Variants in SEMA6D observed in about 807,000 individuals in gnomAD.
SEMA6D encodes semaphorin 6D.
Under a neutral mutation model 106.6 loss-of-function variants are expected in SEMA6D, and 35 were observed. That is an observed-to-expected ratio of 0.33 (90% CI 0.25 to 0.44). The LOEUF (loss-of-function observed/expected upper bound fraction) is 0.44. Ranked by LOEUF, SEMA6D falls within the 20% of genes least tolerant of loss-of-function variation. The probability of loss-of-function intolerance (pLI) is 1.00; values close to 1 mark genes in which losing one functional copy is unlikely to be tolerated. For synonymous variants in SEMA6D, 499 were observed against 487.7 expected (o/e 1.02, Z -0.31); for missense variants, 1,185 against 1,345.9 (o/e 0.88, Z 1.87).
chr15:47,241,185 A>C (rs1050891755), intron 1 of SEMA6D: 14 of 152,198 alleles, frequency 9.2e-5, no homozygotes, highest in Non-Finnish European at 1.5e-5. Context: ...AAATGACTCT[A>C]TTGGAGTGTA....
intron 1 of SEMA6D, among the ~76,000 whole-genome samples, chr15:47,356,698 A>C (rs1266582728): frequency 6.6e-6 from 1 of 152,210 alleles, no homozygotes; most frequent in Non-Finnish European, 1.5e-5. Context: ...ATTCAAATGC[A>C]GCTGTATAAG....
intron 2 of SEMA6D, among the ~76,000 whole-genome samples, chr15:47,465,029 G>A (rs1033283179): frequency 2.2e-4 from 34 of 152,260 alleles, no homozygotes; most frequent in African/African-American, 7.2e-4. Flanking sequence ...TTTCTCTCCT[G>A]TTACACCTCC....
chr15:47,356,459 G>T (rs1299572175), intron 1 of SEMA6D, among the ~76,000 whole-genome samples: 2 of 152,126 alleles, frequency 1.3e-5, no homozygotes, highest in Non-Finnish European at 2.9e-5. Flanking sequence ...AGAAGATTTT[G>T]AGTCTAGTGT....
chr15:47,519,773 A>G (rs1267271958), intron 3 of SEMA6D, among the ~76,000 whole-genome samples: 1 of 152,192 alleles, frequency 6.6e-6, no homozygotes, highest in Non-Finnish European at 1.5e-5. Flanking sequence ...GCTGACATTT[A>G]TATCATATTA....
At chr15:47,466,184 C>T (rs1567099335) in intron 2 of SEMA6D, among the ~76,000 whole-genome samples, 1 of 152,110 alleles carries the variant, frequency 6.6e-6, no homozygotes, top group Non-Finnish European at 1.5e-5. Flanking sequence ...TTCAGATGTA[C>T]TGTATATGCA....
intron 11 of SEMA6D, 41 bp downstream of exon 11, chr15:47,764,346 C>A (rs2082221422): frequency 6.3e-7 from 1 of 1,587,842 alleles, no homozygotes; most frequent in African/African-American, 1.4e-5. Context: ...TTGAACAAAA[C>A]CTTCCGGTCA....
At chr15:47,549,601 G>A (rs1046186004) in intron 3 of SEMA6D, among the ~76,000 whole-genome samples, 5 of 151,986 alleles carry the variant, frequency 3.3e-5, no homozygotes, top group Admixed American at 2.6e-4. Flanking sequence ...CAAAGATCTA[G>A]AATACAAACA....
At chr15:47,389,217 T>G (rs1389929974) in intron 1 of SEMA6D, among the ~76,000 whole-genome samples, 4 of 152,224 alleles carry the variant, frequency 2.6e-5, no homozygotes, top group African/African-American at 4.8e-5. Context: ...AGAACTGTTG[T>G]GAGACTACAT....
chr15:47,623,677 A>T (rs2077150304), intron 4 of SEMA6D, among the ~76,000 whole-genome samples: 1 of 152,136 alleles, frequency 6.6e-6, no homozygotes, highest in African/African-American at 2.4e-5. Flanking sequence ...AAAGGTACGG[A>T]TGTTATGTAT....
chr15:47,709,880 C>CAAA (rs199899821), intron 4 of SEMA6D, among the ~76,000 whole-genome samples: 79 of 127,040 alleles, frequency 6.2e-4, no homozygotes, highest in African/African-American at 2.1e-3. Flanking sequence ...TAAAAACTGG[C>CAAA]AAAAAAAAAA....
chr15:47,686,977 G>C lies in SEMA6D; in HGVS notation c.-54-72768G>C, dbSNP rs1212166541. On this transcript the variant is annotated intron_variant, in intron 4 of 19. Transcript: ENST00000558014. ...GCTACTCAGGAGGCTGAGGCAGGAA[G>C]ATCGCTTGAGCCCAGGATTTTGAGG... is the stretch of plus-strand genomic sequence containing the variant. Among the ~76,000 whole-genome samples the C allele has an allele frequency of 2.7e-5, 4 of 150,186 alleles. No homozygotes were observed. In the East Asian group the frequency reaches 7.9e-4, roughly 30 times the overall value.
chr15:47,280,170 G>A (rs938440142), intron 1 of SEMA6D, among the ~76,000 whole-genome samples: 56 of 152,228 alleles, frequency 3.7e-4, no homozygotes, highest in Admixed American at 1.5e-3. Flanking sequence ...ACTCTTCTTG[G>A]TTGGTAAGCT....
At chr15:47,625,982 G>C (rs73390992) in intron 4 of SEMA6D, among the ~76,000 whole-genome samples, 5,398 of 152,262 alleles carry the variant, frequency 0.035, 315 homozygotes, top group African/African-American at 0.12. Context: ...CTCAGGGCTT[G>C]AAGAGACCAG....
At chr15:47,319,107 T>A (rs1472539745) in intron 1 of SEMA6D, among the ~76,000 whole-genome samples, 2 of 152,200 alleles carry the variant, frequency 1.3e-5, no homozygotes, top group Non-Finnish European at 2.9e-5. Flanking sequence ...GATTGTTTCG[T>A]CAGCCATGTC....
chr15:47,698,435 T>C (rs769864128), intron 4 of SEMA6D, among the ~76,000 whole-genome samples: 51 of 152,298 alleles, frequency 3.3e-4, no homozygotes, highest in Middle Eastern at 6.8e-3. Flanking sequence ...TAAAACTCTC[T>C]TAAGACTTCT....
At chr15:47,489,154 C>T (rs1391532457) in intron 3 of SEMA6D, among the ~76,000 whole-genome samples, 4 of 152,218 alleles carry the variant, frequency 2.6e-5, no homozygotes, top group East Asian at 1.9e-4. Flanking sequence ...GAGAAGAAGG[C>T]GTTCAGAGAC....
chr15:47,664,442 A>G (rs892140864), intron 4 of SEMA6D, among the ~76,000 whole-genome samples: 23 of 150,978 alleles, frequency 1.5e-4, no homozygotes, highest in Non-Finnish European at 1.5e-5. Flanking sequence ...CAATAAAATA[A>G]TTATTTAGAC....
intron 4 of SEMA6D, chr15:47,603,286 T>C (rs189419886): frequency 6.3e-4 from 96 of 152,400 alleles, no homozygotes; most frequent in Non-Finnish European, 1.0e-3. Flanking sequence ...AGCTGGGACC[T>C]TCTGCCTGTC....
intron 3 of SEMA6D, among the ~76,000 whole-genome samples, chr15:47,575,650 C>T (rs555479322): frequency 6.6e-6 from 1 of 152,186 alleles, no homozygotes; most frequent in South Asian, 2.1e-4. Context: ...ACCCGAAAGG[C>T]GGAGGTTGCA....
Sources: allele counts gnomAD v4.1 joint callset (sites outside exome capture counted in the v4.1 genomes callset), GRCh38; gene constraint gnomAD v4.1.1; transcripts MANE v1.5; gene names NCBI Gene and HGNC (gene_info 2026-07-23, HGNC 2026-07-21).